The following CIAO2A variants were observed in gnomAD, a reference collection of about 807,000 sequenced individuals.
CIAO2A encodes the protein cytosolic iron-sulfur assembly component 2A, also known as MIP18 family protein FAM96A.
In CIAO2A, 17 loss-of-function variants were observed where a neutral mutation model predicts 22.4. The observed-to-expected ratio is 0.76, with a 90% confidence interval of 0.52 to 1.14. CIAO2A has a LOEUF of 1.14. Ranked by LOEUF, CIAO2A falls within the 50% of genes most tolerant of loss-of-function variation. The probability of loss-of-function intolerance (pLI) is 0.00; values close to 1 mark genes in which losing one functional copy is unlikely to be tolerated. For synonymous variants in CIAO2A, 74 were observed against 72.3 expected, an observed-to-expected ratio of 1.02 and a Z score of -0.12; for missense variants, 192 against 191.4, an observed-to-expected ratio of 1.00 and a Z score of -0.02.
intron 1 of CIAO2A, among the ~76,000 whole-genome samples, chr15:64,090,037 A>C (rs1015562934): frequency 6.6e-6 from 1 of 152,208 alleles, no homozygotes; most frequent in African/African-American, 2.4e-5. Flanking sequence ...TGGAATTACC[A>C]AGAATGTTTC....
chr15:64,082,133 C>G (rs2080763002), intron 2 of CIAO2A, among the ~76,000 whole-genome samples: 1 of 152,122 alleles, frequency 6.6e-6, no homozygotes, highest in African/African-American at 2.4e-5. Context: ...TTCTAAGTAC[C>G]ATTTGGTTTT....
intron 3 of CIAO2A, among the ~76,000 whole-genome samples, chr15:64,077,825 C>G (rs962129549): frequency 7.2e-5 from 11 of 152,094 alleles, no homozygotes; most frequent in African/African-American, 2.7e-4. Context: ...AGGATGTTAC[C>G]CATTGGAATA....
At chr15:64,092,886 T>C (rs1201467845) in intron 1 of CIAO2A, among the ~76,000 whole-genome samples, 1 of 152,180 alleles carries the variant, frequency 6.6e-6, no homozygotes, top group Non-Finnish European at 1.5e-5. Context: ...TGTAAGGCAA[T>C]TGTGAAGTGG....
At chr15:64,074,501 G>A (rs2141273861) in intron 4 of CIAO2A, 1 of 152,274 alleles carries the variant, frequency 6.6e-6, no homozygotes, top group East Asian at 1.9e-4. Context: ...TGGATTTAGG[G>A]TACCTAAACT....
intron 2 of CIAO2A, among the ~76,000 whole-genome samples, chr15:64,083,676 C>T (rs1449717767): frequency 3.3e-5 from 5 of 152,196 alleles, no homozygotes; most frequent in Non-Finnish European, 7.3e-5. Flanking sequence ...GGTGTGGCAG[C>T]TCACACTTGT....
Position 64,093,728 on chromosome 15 carries a change from C to G in CIAO2A, c.41G>C (p.Arg14Thr). Residue 14 changes from arginine to threonine, a missense_variant, in exon 1 of 5, where the codon AGA becomes ACA. Arg to Thr is a moderately conservative substitution (Grantham distance 71, BLOSUM62 -1). Coordinates refer to ENST00000300030, the MANE Select transcript of CIAO2A (RefSeq NM_032231.7). ...AGAGAGGCCGGAGAGCCACAGGACTCTGCTCAGCGTCCAGGAGAGCAGCCC... is the reference window on the plus strand; with the variant it reads ...AGAGAGGCCGGAGAGCCACAGGACTGTGCTCAGCGTCCAGGAGAGCAGCCC... ...VSGLLSWTLSRVLWLSGLSEP... is the reference protein window; with the variant it reads ...VSGLLSWTLSTVLWLSGLSEP... 1 of 1,614,116 alleles carries G rather than the reference C, an allele frequency of 6.2e-7. No homozygotes were observed. Among genetic ancestry groups the G allele is most frequent in the Non-Finnish European group, 8.5e-7 (1 of 1,179,962 alleles).
At chr15:64,073,143 G>T in intron 4 of CIAO2A, 115 bp from the exon 5 acceptor site, 3 of 617,900 alleles carry the variant, frequency 4.9e-6, no homozygotes, top group Non-Finnish European at 5.6e-6. Context: ...ACTTAAACCT[G>T]TTTTTGGCTA....
intron 3 of CIAO2A, among the ~76,000 whole-genome samples, chr15:64,080,012 G>C (rs2080748519): frequency 6.6e-6 from 1 of 152,202 alleles, no homozygotes; most frequent in African/African-American, 2.4e-5. Flanking sequence ...TGAATAGACA[G>C]CTCTCCAAAG....
intron 1 of CIAO2A, among the ~76,000 whole-genome samples, chr15:64,091,461 G>T (rs907120414): frequency 6.7e-6 from 1 of 149,348 alleles, no homozygotes; most frequent in Non-Finnish European, 1.5e-5. Context: ...CTCTAGCCTG[G>T]GTGACAGAAG....
rs753418397 is a variant in CIAO2A, at chr15:64,081,084, A to C, written c.339+18T>G. 6.2e-7 allele frequency: 1 copy of C among 1,610,858 alleles called. No homozygotes were observed. Among genetic ancestry groups the C allele is most frequent in the African/African-American group, 1.3e-5 (1 of 74,824 alleles). ...CTGTTTTACAACAACAACAACAACA[A>C]AAATACATCTTTCTTACCTTATGTT... On this transcript the variant is annotated intron_variant, in intron 3 of 4. Coordinates refer to ENST00000300030, the MANE Select transcript of CIAO2A (RefSeq NM_032231.7).
At chr15:64,092,193 G>T (rs1011554609) in intron 1 of CIAO2A, among the ~76,000 whole-genome samples, 1 of 151,432 alleles carries the variant, frequency 6.6e-6, no homozygotes. Flanking sequence ...GTATCCAACT[G>T]CATCCCACTA....
At chr15:64,073,945 A>G (rs2080695130) in intron 4 of CIAO2A, 1 of 152,212 alleles carries the variant, frequency 6.6e-6, no homozygotes, top group African/African-American at 2.4e-5. Context: ...ACATATATAC[A>G]TACATAAAAC....
chr15:64,085,704 A>G (rs1398541645), intron 2 of CIAO2A, among the ~76,000 whole-genome samples: 1 of 151,906 alleles, frequency 6.6e-6, no homozygotes, highest in Non-Finnish European at 1.5e-5. Flanking sequence ...TTTAGCCCAG[A>G]GCATATATTC....
chr15:64,082,985 T>G (rs752412921), intron 2 of CIAO2A, among the ~76,000 whole-genome samples: 2 of 151,836 alleles, frequency 1.3e-5, no homozygotes, highest in Admixed American at 1.3e-4. Context: ...GAGGACTGCT[T>G]GAGCCCAGGA....
In CIAO2A at chr15:64,072,755, T is replaced by C. The variant is rs1425531201; in HGVS notation, c.*176A>G. ...TAAGTGTTACAAATCCTGAGAATGTTATACATTGAACAAATTAGGTACTAC... is the reference window on the plus strand; with the variant it reads ...TAAGTGTTACAAATCCTGAGAATGTCATACATTGAACAAATTAGGTACTAC... On this transcript the variant is annotated 3_prime_UTR_variant, in exon 5 of 5. Coordinates refer to ENST00000300030, the MANE Select transcript of CIAO2A (RefSeq NM_032231.7). 4.3e-6 allele frequency: 2 copies of C among 470,184 alleles called. No homozygotes were observed. The highest frequency in any genetic ancestry group is 3.8e-6 in the Non-Finnish European group (1 of 265,240). 29.1% of individuals were successfully genotyped at this position (470,184 alleles called of 1,614,324 possible).
At chr15:64,076,086 T>C (rs2080715528) in intron 3 of CIAO2A, among the ~76,000 whole-genome samples, 1 of 152,054 alleles carries the variant, frequency 6.6e-6, no homozygotes, top group African/African-American at 2.4e-5. Context: ...CTGCAGGTGG[T>C]ATTTCCATTA....
chr15:64,087,400 ATTT>A (rs1218410786), intron 2 of CIAO2A, among the ~76,000 whole-genome samples: 1 of 151,178 alleles, frequency 6.6e-6, no homozygotes, highest in African/African-American at 2.4e-5. Flanking sequence ...CTAATTTTGT[ATTT>A]TTTTTAGTGG....
intron 1 of CIAO2A, among the ~76,000 whole-genome samples, chr15:64,091,876 T>C (rs941451135): frequency 4.0e-5 from 6 of 151,760 alleles, no homozygotes; most frequent in African/African-American, 1.2e-4. Context: ...CTGGGTAACA[T>C]AGCAAAACCT....
chr15:64,083,679 ACACT>A (rs1196982906), intron 2 of CIAO2A, among the ~76,000 whole-genome samples: 2 of 152,210 alleles, frequency 1.3e-5, no homozygotes, highest in African/African-American at 4.8e-5. Flanking sequence ...GTGGCAGCTC[ACACT>A]TGTAATCCCA....
Sources: allele counts gnomAD v4.1 joint callset (sites outside exome capture counted in the v4.1 genomes callset), GRCh38; gene constraint gnomAD v4.1.1; transcripts MANE v1.5; gene names NCBI Gene and HGNC (gene_info 2026-07-23, HGNC 2026-07-21).